The following UBR1 variants were observed in gnomAD, a reference collection of about 807,000 sequenced individuals.
The protein encoded by UBR1 is ubiquitin protein ligase E3 component n-recognin 1, also known as E3 ubiquitin-protein ligase UBR1.
UBR1 carries 102 observed loss-of-function variants against 242.1 expected under a neutral mutation model. That is an observed-to-expected ratio of 0.42 (90% CI 0.36 to 0.50). The LOEUF (loss-of-function observed/expected upper bound fraction) is 0.50. Ranked by LOEUF, UBR1 falls within the 20% of genes least tolerant of loss-of-function variation. The probability of loss-of-function intolerance (pLI) is 0.01; values close to 1 mark genes in which losing one functional copy is unlikely to be tolerated. For synonymous variants in UBR1, 675 were observed against 684.8 expected (o/e 0.99, Z 0.22); for missense variants, 1,772 against 2,101.8 (o/e 0.84, Z 3.07).
chr15:42,960,900 G>C (rs988337982), intron 42 of UBR1, among the ~76,000 whole-genome samples, 199 bp from the exon 43 acceptor site: 1 of 151,946 alleles, frequency 6.6e-6, no homozygotes, highest in African/African-American at 2.4e-5. Flanking sequence ...CTCCCAAGTA[G>C]CTGGCACTCG....
chr15:43,104,135 A>G (rs2034269477), intron 1 of UBR1, among the ~76,000 whole-genome samples: 1 of 152,190 alleles, frequency 6.6e-6, no homozygotes. Flanking sequence ...TCTACCTACT[A>G]CTTTGCAAAA....
At chr15:43,052,851 C>T (rs1435615149) in intron 12 of UBR1, among the ~76,000 whole-genome samples, 2 of 152,126 alleles carry the variant, frequency 1.3e-5, no homozygotes, top group African/African-American at 2.4e-5. Context: ...TGTGAGGCTA[C>T]ATGACATAGT....
At position 42,963,511 on chromosome 15, in the gene UBR1, A is replaced by AT. The variant is rs559269345; in HGVS notation, c.4700+423dup. ...TCTCTCTTGGAAATTTAACTGAAGT[A>AT]TTTTTTTTGATCTACCAAATGACCT... is the stretch of plus-strand genomic sequence containing the variant. On this transcript the variant is annotated intron_variant, in intron 42 of 46. Transcript: ENST00000290650. Among the ~76,000 whole-genome samples the AT allele has an allele frequency of 1.1e-4, 17 of 151,912 alleles. No homozygotes were observed. In the South Asian group the frequency reaches 3.1e-3, roughly 28 times the overall value.
chr15:42,987,895 G>A (rs1031067814), intron 35 of UBR1, among the ~76,000 whole-genome samples: 1 of 152,046 alleles, frequency 6.6e-6, no homozygotes, highest in Non-Finnish European at 1.5e-5. Flanking sequence ...AGATAGGGAA[G>A]AATCACCATT....
intron 31 of UBR1, chr15:43,003,438 T>G: frequency 3.6e-6 from 1 of 275,048 alleles, no homozygotes; most frequent in Non-Finnish European, 7.1e-6. Flanking sequence ...GTATTTTTAG[T>G]AGAGACAGGG....
chr15:42,989,635 A>G (rs1438615319), intron 34 of UBR1, among the ~76,000 whole-genome samples: 1 of 152,204 alleles, frequency 6.6e-6, no homozygotes, highest in East Asian at 1.9e-4. Context: ...TACATGCAAG[A>G]AAAATGAACG....
At chr15:43,104,373 C>G (rs1223938776) in intron 1 of UBR1, among the ~76,000 whole-genome samples, 6 of 152,172 alleles carry the variant, frequency 3.9e-5, no homozygotes, top group African/African-American at 1.4e-4. Flanking sequence ...GCAGTTTCCC[C>G]ACTCCTTCTA....
chr15:43,015,170 T>G (rs1231999158), intron 29 of UBR1, among the ~76,000 whole-genome samples: 1 of 152,142 alleles, frequency 6.6e-6, no homozygotes, highest in African/African-American at 2.4e-5. Flanking sequence ...GAACGGGCCA[T>G]GATGATAATG....
chr15:42,978,792 G>C (rs1425096057), intron 37 of UBR1, among the ~76,000 whole-genome samples: 1 of 147,688 alleles, frequency 6.8e-6, no homozygotes, highest in East Asian at 2.0e-4. Context: ...GCAGTGGCAT[G>C]ATGTCGGCTC....
At chr15:43,002,413 G>C (rs1596094358) in intron 32 of UBR1, 142 bp downstream of exon 32, 4 of 943,696 alleles carry the variant, frequency 4.2e-6, no homozygotes, top group Non-Finnish European at 6.4e-6. Flanking sequence ...TAGAGATGGG[G>C]TTTTACCATG....
At chr15:43,023,378 G>A (rs1343148406) in intron 25 of UBR1, among the ~76,000 whole-genome samples, 2 of 151,790 alleles carry the variant, frequency 1.3e-5, no homozygotes, top group Non-Finnish European at 2.9e-5. Context: ...GATCACCTGA[G>A]GTCAGGAGTT....
intron 41 of UBR1, 43 bp downstream of exon 41, chr15:42,966,110 A>C: frequency 6.2e-7 from 1 of 1,613,964 alleles, no homozygotes; most frequent in African/African-American, 1.3e-5. Flanking sequence ...AGAACAAAGA[A>C]AATCTCCCAT....
rs536568491 is a variant in UBR1 at position 42,970,505 on chromosome 15, T to C, written c.4457+15A>G. 1.2e-6 allele frequency: 2 copies of C among 1,609,326 alleles called. No individual in the cohort carries two copies. Among genetic ancestry groups the C allele is most frequent in the Admixed American group, 1.7e-5 (1 of 60,002 alleles). On this transcript the variant is annotated intron_variant, in intron 40 of 46. Transcript: ENST00000290650. Reference sequence around the variant, plus strand: ...GAATTATTACAATAGACTGAACTAATGGATTGTTACTCACCCACTTGTATA... The same window carrying C: ...GAATTATTACAATAGACTGAACTAACGGATTGTTACTCACCCACTTGTATA...
At chr15:42,963,778 C>A (rs1273439476) in intron 42 of UBR1, among the ~76,000 whole-genome samples, 157 bp downstream of exon 42, 1 of 151,202 alleles carries the variant, frequency 6.6e-6, no homozygotes, top group Non-Finnish European at 1.5e-5. Context: ...GGCTGTTGAT[C>A]TTATCCCCAC....
chr15:42,969,220 T>C (rs1363140048), intron 40 of UBR1, among the ~76,000 whole-genome samples: 1 of 152,244 alleles, frequency 6.6e-6, no homozygotes, highest in Non-Finnish European at 1.5e-5. Context: ...CTAACTGGCA[T>C]GAAATGGTAT....
intron 1 of UBR1, among the ~76,000 whole-genome samples, chr15:43,099,808 C>T (rs2034206424): frequency 6.6e-6 from 1 of 151,938 alleles, no homozygotes; most frequent in Non-Finnish European, 1.5e-5. Flanking sequence ...AGAGTACAGT[C>T]TGAGACACGC....
intron 15 of UBR1, among the ~76,000 whole-genome samples, chr15:43,039,721 T>C (rs2033390821): frequency 6.6e-6 from 1 of 152,198 alleles, no homozygotes; most frequent in South Asian, 2.1e-4. Context: ...CTATGTTGAA[T>C]AGGAGTGGTG....
intron 42 of UBR1, among the ~76,000 whole-genome samples, chr15:42,961,184 C>T (rs1183555226): frequency 6.7e-6 from 1 of 149,472 alleles, no homozygotes. Flanking sequence ...GTGATCTCCA[C>T]TCACTGCAAC....
rs148952135 is a variant in UBR1, at chr15:42,966,774, T to C, written c.4458-488A>G. Reference sequence around the variant, plus strand: ...ATCACAAATCTTACATATTTTACCATGTGGATTTTTAAGGCAAGGAACTAC... The same window carrying C: ...ATCACAAATCTTACATATTTTACCACGTGGATTTTTAAGGCAAGGAACTAC... On this transcript the variant is annotated intron_variant, in intron 40 of 46. Coordinates refer to ENST00000290650, the MANE Select transcript of UBR1 (RefSeq NM_174916.3). 3.9e-3 allele frequency among the ~76,000 whole-genome samples: 589 copies of C among 152,194 alleles called. 2 individuals carry two copies. Among genetic ancestry groups the C allele is most frequent in the Non-Finnish European group, 5.0e-3 (337 of 68,008 alleles).
Sources: allele counts gnomAD v4.1 joint callset (sites outside exome capture counted in the v4.1 genomes callset), GRCh38; gene constraint gnomAD v4.1.1; transcripts MANE v1.5; gene names NCBI Gene and HGNC (gene_info 2026-07-23, HGNC 2026-07-21).